The following ARHGAP21 variants were observed in gnomAD, a reference collection of about 807,000 sequenced individuals.
ARHGAP21 encodes rho GTPase-activating protein 21.
In ARHGAP21, 38 loss-of-function variants were observed where a neutral mutation model predicts 164.6. The ratio of observed to expected loss-of-function variants is 0.23; its 90% CI spans 0.18 to 0.30. The LOEUF (loss-of-function observed/expected upper bound fraction) is 0.30. Ranked by LOEUF, ARHGAP21 falls within the 10% of genes least tolerant of loss-of-function variation. The pLI, the probability that ARHGAP21 is intolerant of heterozygous loss-of-function variation, is 1.00. For synonymous variants in ARHGAP21, 766 were observed against 857.9 expected (o/e 0.89, Z 1.87); for missense variants, 1,822 against 2,370.7 (o/e 0.77, Z 4.81).
chr10:24,655,114 T>C (rs1342828755), intron 4 of ARHGAP21, among the ~76,000 whole-genome samples: 2 of 152,204 alleles, frequency 1.3e-5, no homozygotes, highest in Admixed American at 6.5e-5. Flanking sequence ...TATACAAAAA[T>C]TAATTCAACA....
intron 3 of ARHGAP21, among the ~76,000 whole-genome samples, chr10:24,667,215 A>G (rs1840280830): frequency 6.6e-6 from 1 of 152,208 alleles, no homozygotes; most frequent in Non-Finnish European, 1.5e-5. Flanking sequence ...ATAACAGTAT[A>G]GGAAGTACCT....
chr10:24,585,252 T>C lies in ARHGAP21; in HGVS notation c.5037A>G (p.Gly1679=), dbSNP rs759249503. 2 of 1,606,150 alleles carry C rather than the reference T, an allele frequency of 1.2e-6. No homozygotes were observed. Among genetic ancestry groups the C allele is most frequent in the Non-Finnish European group, 8.5e-7 (1 of 1,178,416 alleles). The change falls in exon 26 of 26, where the codon GGA becomes GGG. Residue 1679 remains glycine, a synonymous_variant. Transcript: ENST00000396432. ...GGCTATCTAAACTTGATGTTAAACT[T>C]CCCTCGGTGCAACTTAATTCACTTC... The part of the protein sequence containing the change: ...SEGSELSCTE[G]SLTSSLDSRR...
rs185035055 is a variant in ARHGAP21, at chr10:24,696,967, G to A, written c.63+24870C>T. On this transcript the variant is annotated intron_variant, in intron 2 of 25. Coordinates refer to ENST00000396432, the MANE Select transcript of ARHGAP21 (RefSeq NM_020824.4). ...ATAGGTCTGGGCTTCTTAAGGACCA[G>A]GGAGGATGTTAGGATCACAGAACAG... Among the ~76,000 whole-genome samples the A allele has an allele frequency of 4.5e-4, 68 of 152,364 alleles. 2 individuals carry two copies. In the South Asian group the frequency reaches 7.9e-3, roughly 18 times the overall value.
At chr10:24,634,940 G>T in intron 5 of ARHGAP21, 71 bp downstream of exon 5, 1 of 1,177,876 alleles carries the variant, frequency 8.5e-7, no homozygotes, top group South Asian at 1.9e-5. Context: ...AAAAAATATC[G>T]AACATGAAAT....
intron 2 of ARHGAP21, among the ~76,000 whole-genome samples, chr10:24,686,053 T>C (rs1300491072): frequency 2.0e-5 from 3 of 152,182 alleles, no homozygotes; most frequent in Non-Finnish European, 4.4e-5. Flanking sequence ...TTATACTTGT[T>C]AAGCTAGTAA....
rs1201987835 is a variant in ARHGAP21, at chr10:24,698,651, T to C, written c.63+23186A>G. Among the ~76,000 whole-genome samples the C allele has an allele frequency of 4.6e-5, 7 of 152,310 alleles. No individual in the cohort carries two copies. In the East Asian group the frequency reaches 1.3e-3, roughly 29 times the overall value. On this transcript the variant is annotated intron_variant, in intron 2 of 25. Coordinates refer to ENST00000396432, the MANE Select transcript of ARHGAP21 (RefSeq NM_020824.4). ...CATCAACCAGAGCTCTCAGGCAGAA[T>C]ACCCTACTAGGGTATACTGGCCAAG...
At chr10:24,707,426 T>C (rs979532050) in intron 2 of ARHGAP21, among the ~76,000 whole-genome samples, 7 of 152,192 alleles carry the variant, frequency 4.6e-5, no homozygotes, top group Non-Finnish European at 8.8e-5. Flanking sequence ...CTCCCTCTAA[T>C]TTCTTACACT....
intron 4 of ARHGAP21, among the ~76,000 whole-genome samples, chr10:24,644,914 C>G (rs1837409570): frequency 6.6e-6 from 1 of 152,166 alleles, no homozygotes; most frequent in African/African-American, 2.4e-5. Flanking sequence ...ACTCTAGAAA[C>G]AAATTTTCAG....
intron 2 of ARHGAP21, chr10:24,714,416 C>A (rs571286285): frequency 2.6e-5 from 4 of 152,110 alleles, no homozygotes; most frequent in African/African-American, 9.7e-5. Flanking sequence ...TAACAATTTA[C>A]GGAGAAATTC....
In ARHGAP21 at chr10:24,689,922, ATGTATGTATATGTATATATGTATATGTG is replaced by A. The variant is rs1565169207; in HGVS notation, c.64-19553_64-19526del. Among the ~76,000 whole-genome samples the A allele has an allele frequency of 1.6e-3, 214 of 134,274 alleles. 5 individuals are homozygous for A. In the East Asian group the frequency reaches 0.038, roughly 24 times the overall value. The allele number at this position is 134,274 out of a possible 152,430, so 88.1% of individuals were successfully genotyped here. On this transcript the variant is annotated intron_variant, in intron 2 of 25. Coordinates refer to ENST00000396432, the MANE Select transcript of ARHGAP21 (RefSeq NM_020824.4). ...TGTATATATACATGTATATATGTAT[ATGTATGTATATGTATATATGTATATGTG>A]TGTGTGTGTGTGTGTATATACACAT...
At chr10:24,633,245 T>C (rs1284223714) in intron 6 of ARHGAP21, among the ~76,000 whole-genome samples, 157 bp downstream of exon 6, 1 of 152,196 alleles carries the variant, frequency 6.6e-6, no homozygotes, top group Non-Finnish European at 1.5e-5. Context: ...CTCAGATAGC[T>C]GGTCCTTGGC....
intron 4 of ARHGAP21, among the ~76,000 whole-genome samples, chr10:24,635,620 C>T (rs1038582355): frequency 6.6e-6 from 1 of 152,160 alleles, no homozygotes; most frequent in Non-Finnish European, 1.5e-5. Context: ...AATCTTGGCT[C>T]ACTGCAACCT....
At chr10:24,636,945 A>T (rs989447082) in intron 4 of ARHGAP21, among the ~76,000 whole-genome samples, 4 of 152,242 alleles carry the variant, frequency 2.6e-5, no homozygotes, top group African/African-American at 9.6e-5. Context: ...GAATTTTCGC[A>T]ATGCTCACTA....
intron 2 of ARHGAP21, among the ~76,000 whole-genome samples, chr10:24,713,774 A>T (rs1845088100): frequency 6.6e-6 from 1 of 152,046 alleles, no homozygotes; most frequent in South Asian, 2.1e-4. Flanking sequence ...CGTCCAGCCC[A>T]CATCAAGTTT....
intron 4 of ARHGAP21, among the ~76,000 whole-genome samples, chr10:24,637,277 A>G (rs968980701): frequency 3.9e-5 from 6 of 152,372 alleles, no homozygotes; most frequent in Admixed American, 3.9e-4. Context: ...TATCAATTCA[A>G]GTTGCTTAAA....
rs867012943 is a variant in ARHGAP21, at chr10:24,697,807, C to T, written c.63+24030G>A. ...CCTGAGAGGCAGAGGTTGCAGTGAG[C>T]GCAGATCGCACCACTGCACTCCAGC... On this transcript the variant is annotated intron_variant, in intron 2 of 25. Coordinates refer to ENST00000396432, the MANE Select transcript of ARHGAP21 (RefSeq NM_020824.4). Among the ~76,000 whole-genome samples, 34 of 151,800 alleles carry T rather than the reference C, an allele frequency of 2.2e-4. 1 individual carries two copies. The highest frequency in any genetic ancestry group is 2.1e-4 in the South Asian group (1 of 4,804).
chr10:24,595,446 A>G (rs2076539696), intron 19 of ARHGAP21, among the ~76,000 whole-genome samples: 3 of 152,304 alleles, frequency 2.0e-5, no homozygotes, highest in Non-Finnish European at 4.4e-5. Flanking sequence ...GACTGAAAAA[A>G]CATTTTTCTA....
intron 4 of ARHGAP21, among the ~76,000 whole-genome samples, chr10:24,656,224 C>T (rs1192385915): frequency 3.7e-5 from 5 of 136,282 alleles, no homozygotes; most frequent in Non-Finnish European, 6.3e-5. Context: ...GGGGGGTCAT[C>T]CCCCCGCCCG....
intron 2 of ARHGAP21, among the ~76,000 whole-genome samples, chr10:24,682,513 T>C (rs1366478894): frequency 1.3e-5 from 2 of 152,198 alleles, no homozygotes; most frequent in African/African-American, 4.8e-5. Flanking sequence ...GTAGGATTCT[T>C]TGACAGGGTA....
Sources: allele counts gnomAD v4.1 joint callset (sites outside exome capture counted in the v4.1 genomes callset), GRCh38; gene constraint gnomAD v4.1.1; transcripts MANE v1.5; gene names NCBI Gene and HGNC (gene_info 2026-07-23, HGNC 2026-07-21).